PSD3: variants seen among roughly 807,000 people sequenced by gnomAD.
The protein encoded by PSD3 is pleckstrin and Sec7 domain containing 3.
A neutral mutation model predicts 105.5 loss-of-function variants in PSD3; 49 were observed. The observed-to-expected ratio is 0.46, with a 90% CI of 0.37 to 0.59. The LOEUF (loss-of-function observed/expected upper bound fraction) is 0.59, where lower values mean the gene tolerates loss of function less well. PSD3 is among the 20% of genes least tolerant of loss of function. The pLI is 0.00. For missense variants in PSD3, 1,561 were observed against 1,263.8 expected (o/e 1.24, Z -3.57); for synonymous variants, 557 against 457.8 (o/e 1.22, Z -2.77).
At chr8:18,765,995 GACAAACAA>G (rs367873081) in intron 8 of PSD3, among the ~76,000 whole-genome samples, 55 of 149,522 alleles carry the variant, frequency 3.7e-4, no homozygotes, top group African/African-American at 1.1e-3. Flanking sequence ...ACAAAAAACA[GACAAACAA>G]ACAAACAAAT....
At chr8:18,980,779 G>A (rs764003785) in intron 1 of PSD3, among the ~76,000 whole-genome samples, 7 of 152,008 alleles carry the variant, frequency 4.6e-5, no homozygotes, top group African/African-American at 1.2e-4. Flanking sequence ...GTTATTTGAC[G>A]CTTCTGCCTG....
chr8:18,835,712 G>A (rs1352630182), intron 4 of PSD3, among the ~76,000 whole-genome samples: 1 of 152,216 alleles, frequency 6.6e-6, no homozygotes, highest in Non-Finnish European at 1.5e-5. Flanking sequence ...GGAGAGCAGG[G>A]CTCTGGGGAT....
intron 8 of PSD3, among the ~76,000 whole-genome samples, chr8:18,781,109 C>A (rs1295434493): frequency 6.6e-6 from 1 of 152,142 alleles, no homozygotes; most frequent in Non-Finnish European, 1.5e-5. Flanking sequence ...TACTCCTGGA[C>A]TGCAGTGGCC....
chr8:18,936,556 G>A (rs1822149089), intron 1 of PSD3, among the ~76,000 whole-genome samples: 1 of 152,166 alleles, frequency 6.6e-6, no homozygotes, highest in South Asian at 2.1e-4. Flanking sequence ...GATGTCAGGA[G>A]TTCGAGACCA....
At chr8:18,552,099 G>A (rs1563314048) in intron 15 of PSD3, among the ~76,000 whole-genome samples, 1 of 152,190 alleles carries the variant, frequency 6.6e-6, no homozygotes, top group Non-Finnish European at 1.5e-5. Flanking sequence ...CATTAGGTGG[G>A]CTGGCAACAT....
chr8:18,914,427 G>T (rs1820449922), intron 2 of PSD3, among the ~76,000 whole-genome samples: 1 of 151,932 alleles, frequency 6.6e-6, no homozygotes, highest in South Asian at 2.1e-4. Context: ...TAAGTAAAAT[G>T]GTCTCTTTTT....
chr8:18,726,717 G>T (rs1803357935), intron 9 of PSD3, among the ~76,000 whole-genome samples: 1 of 152,086 alleles, frequency 6.6e-6, no homozygotes, highest in Non-Finnish European at 1.5e-5. Flanking sequence ...ATGAACCTAG[G>T]TCTAATGAAA....
chr8:18,957,655 G>A (rs369086494), intron 1 of PSD3, among the ~76,000 whole-genome samples: 4 of 152,186 alleles, frequency 2.6e-5, no homozygotes, highest in Admixed American at 6.5e-5. Flanking sequence ...TAGGCAGAAC[G>A]GCCTCAGTAC....
At chr8:19,058,680 A>T (rs951537534) in intron 1 of PSD3, among the ~76,000 whole-genome samples, 1 of 152,062 alleles carries the variant, frequency 6.6e-6, no homozygotes, top group African/African-American at 2.4e-5. Flanking sequence ...GATTAAGCAC[A>T]TTGTACAAAA....
chr8:18,684,921 C>A (rs1800581762), intron 9 of PSD3, among the ~76,000 whole-genome samples: 1 of 152,300 alleles, frequency 6.6e-6, no homozygotes, highest in African/African-American at 2.4e-5. Context: ...AAAACAAGAC[C>A]ATTTTAGCTC....
intron 2 of PSD3, among the ~76,000 whole-genome samples, chr8:18,897,412 T>C (rs1224367603): frequency 1.3e-5 from 2 of 152,194 alleles, no homozygotes; most frequent in African/African-American, 2.4e-5. Context: ...TTGGTTACTA[T>C]GGTTTTGCAG....
rs142679878 is a variant in PSD3, at chr8:18,784,097, C to T, written c.2082+15198G>A. Among the ~76,000 whole-genome samples the T allele has an allele frequency of 1.5e-4, 23 of 151,982 alleles. No individual in the cohort carries two copies. In the East Asian group the frequency reaches 2.3e-3, roughly 15 times the overall value. ...TTTGTATGTTTTCAATCCCTTTTTG[C>T]GAATTTTGTCCTATCCTTGAGCATT... On this transcript the variant is annotated intron_variant, in intron 8 of 15. Transcript: ENST00000327040.
chr8:18,541,157 GAA>G (rs5889803), intron 15 of PSD3, among the ~76,000 whole-genome samples: 60,638 of 139,262 alleles, frequency 0.44, 14,432 homozygotes, highest in Admixed American at 0.58. Flanking sequence ...TATTTTACTT[GAA>G]AAAAAAAAAA....
intron 4 of PSD3, among the ~76,000 whole-genome samples, chr8:18,850,859 A>G (rs1815508058): frequency 6.6e-6 from 1 of 152,152 alleles, no homozygotes; most frequent in African/African-American, 2.4e-5. Flanking sequence ...GACCAGCTGA[A>G]TCAACAAAAG....
intron 4 of PSD3, among the ~76,000 whole-genome samples, chr8:18,818,604 G>A (rs547418512): frequency 6.6e-6 from 1 of 151,986 alleles, no homozygotes; most frequent in Non-Finnish European, 1.5e-5. Flanking sequence ...GCACAAGACA[G>A]GACAATCTGC....
chr8:19,002,438 C>T (rs1586611101), intron 1 of PSD3, among the ~76,000 whole-genome samples: 1 of 151,908 alleles, frequency 6.6e-6, no homozygotes, highest in African/African-American at 2.4e-5. Flanking sequence ...TTTTAAGGAA[C>T]AAGCATATAT....
At chr8:18,949,208 C>T (rs371964150) in intron 1 of PSD3, among the ~76,000 whole-genome samples, 4 of 74,824 alleles carry the variant, frequency 5.3e-5, no homozygotes, top group Non-Finnish European at 5.1e-5. Context: ...GGCTACAGAT[C>T]GAGACTCTGT....
chr8:18,917,753 C>T (rs1367930468), intron 2 of PSD3, among the ~76,000 whole-genome samples: 2 of 152,208 alleles, frequency 1.3e-5, no homozygotes, highest in East Asian at 3.9e-4. Flanking sequence ...CAAGCAAACA[C>T]ATCAGAAGAT....
intron 1 of PSD3, among the ~76,000 whole-genome samples, chr8:18,951,086 T>C (rs1823207806): frequency 1.3e-5 from 2 of 152,200 alleles, no homozygotes; most frequent in South Asian, 4.1e-4. Context: ...TGGAACTATA[T>C]GAGTATACAA....
Sources: gnomAD v4.1 joint callset for allele counts (sites outside exome capture counted in the v4.1 genomes callset) on GRCh38, gnomAD v4.1.1 for gene constraint, MANE v1.5 for transcripts, NCBI Gene and HGNC (gene_info 2026-07-23, HGNC 2026-07-21) for gene names.